The following TENM3 variants were observed in gnomAD, a reference collection of about 807,000 sequenced individuals.
The protein encoded by TENM3 is teneurin-3.
Under a neutral mutation model 255.1 loss-of-function variants are expected in TENM3, and 63 were observed. The observed-to-expected ratio is 0.25, with a 90% CI of 0.20 to 0.30. TENM3 has a LOEUF of 0.30. TENM3 is among the 10% of genes least tolerant of loss of function. The probability of loss-of-function intolerance (pLI) is 1.00; values close to 1 mark genes in which losing one functional copy is unlikely to be tolerated. For synonymous variants in TENM3, 1,306 were observed against 1,322.3 expected (o/e 0.99, Z 0.27); for missense variants, 2,929 against 3,461.1 (o/e 0.85, Z 3.86).
intron 1 of TENM3, among the ~76,000 whole-genome samples, chr4:182,150,035 A>G (rs1579510624): frequency 6.6e-6 from 1 of 152,080 alleles, no homozygotes; most frequent in African/African-American, 2.4e-5. Flanking sequence ...TTGATAGTAT[A>G]TTCTCAAATA....
chr4:181,867,214 T>C, the TENM3 span, among the ~76,000 whole-genome samples: 1 of 152,152 alleles, frequency 6.6e-6, no homozygotes, highest in Non-Finnish European at 1.5e-5. Context: ...TTCACCTCAG[T>C]TCCAATCCCT....
At chr4:181,902,952 T>C in the TENM3 span, among the ~76,000 whole-genome samples, 2 of 152,224 alleles carry the variant, frequency 1.3e-5, no homozygotes, top group Non-Finnish European at 2.9e-5. Flanking sequence ...AAGTACGTTG[T>C]GTTTTACAAT....
the TENM3 span, among the ~76,000 whole-genome samples, chr4:181,770,265 A>G: frequency 1.3e-5 from 2 of 152,218 alleles, no homozygotes; most frequent in African/African-American, 4.8e-5. Flanking sequence ...ACTATTCATA[A>G]TATTTTTGAA....
chr4:182,412,546 G>T (rs1190146633), intron 3 of TENM3, among the ~76,000 whole-genome samples: 1 of 152,080 alleles, frequency 6.6e-6, no homozygotes, highest in Non-Finnish European at 1.5e-5. Flanking sequence ...AGAGTAATAA[G>T]GGAAGTAATA....
At chr4:181,763,013 G>A in the TENM3 span, among the ~76,000 whole-genome samples, 1 of 152,104 alleles carries the variant, frequency 6.6e-6, no homozygotes, top group Admixed American at 6.6e-5. Context: ...TTGAAACCTT[G>A]TGAAACAAAT....
At chr4:181,849,019 G>A in the TENM3 span, among the ~76,000 whole-genome samples, 1 of 152,130 alleles carries the variant, frequency 6.6e-6, no homozygotes, top group Admixed American at 6.5e-5. Flanking sequence ...GCTACAGATG[G>A]ATAAGCAGAA....
chr4:182,442,512 A>T (rs1772567570), intron 3 of TENM3, among the ~76,000 whole-genome samples: 1 of 152,202 alleles, frequency 6.6e-6, no homozygotes, highest in Non-Finnish European at 1.5e-5. Flanking sequence ...TTTCTAAACA[A>T]TCAAAACAAA....
chr4:182,094,713 G>A, the TENM3 span, among the ~76,000 whole-genome samples: 1 of 152,004 alleles, frequency 6.6e-6, no homozygotes, highest in African/African-American at 2.4e-5. Flanking sequence ...CCTCGAAAAA[G>A]AACAAAACAG....
chr4:182,683,188 G>C, intron 11 of TENM3, among the ~76,000 whole-genome samples: 1 of 152,262 alleles, frequency 6.6e-6, no homozygotes, highest in Non-Finnish European at 1.5e-5. Flanking sequence ...ATATGCCTCA[G>C]TTTACTCATC....
At chr4:181,448,167 T>A in the TENM3 span, among the ~76,000 whole-genome samples, 12 of 132,188 alleles carry the variant, frequency 9.1e-5, no homozygotes, top group African/African-American at 1.8e-4. Context: ...TTTTTTTTTT[T>A]TTTTTTTTTT....
At chr4:181,943,945 C>A in the TENM3 span, among the ~76,000 whole-genome samples, 675 of 152,170 alleles carry the variant, frequency 4.4e-3, 2 homozygotes, top group Non-Finnish European at 7.5e-3. Flanking sequence ...TATAAAATAT[C>A]CTTAAATTTC....
the TENM3 span, among the ~76,000 whole-genome samples, chr4:181,514,975 G>C: frequency 6.6e-6 from 1 of 152,156 alleles, no homozygotes; most frequent in African/African-American, 2.4e-5. Context: ...AACGATGTTA[G>C]GTGAATTCTC....
the TENM3 span, among the ~76,000 whole-genome samples, chr4:182,061,547 C>G: frequency 6.6e-6 from 1 of 152,038 alleles, no homozygotes; most frequent in Non-Finnish European, 1.5e-5. Context: ...TCCTCCGAAA[C>G]TTTATAAAAT....
At chr4:182,652,747 A>G (rs1043133623) in intron 5 of TENM3, among the ~76,000 whole-genome samples, 3 of 152,158 alleles carry the variant, frequency 2.0e-5, no homozygotes, top group Admixed American at 2.0e-4. Flanking sequence ...TGCGCTGGTA[A>G]ATTCCAGTAC....
At chr4:181,626,931 A>G in the TENM3 span, among the ~76,000 whole-genome samples, 1 of 152,210 alleles carries the variant, frequency 6.6e-6, no homozygotes, top group African/African-American at 2.4e-5. Flanking sequence ...ATAGAATCTA[A>G]GGGAAAGATG....
chr4:182,104,969 C>T, the TENM3 span, among the ~76,000 whole-genome samples: 12 of 152,106 alleles, frequency 7.9e-5, no homozygotes, highest in Non-Finnish European at 1.8e-4. Context: ...CCCAGCACTT[C>T]GGAAGGTGGA....
intron 3 of TENM3, among the ~76,000 whole-genome samples, chr4:182,365,152 G>C (rs983634219): frequency 6.6e-6 from 1 of 152,202 alleles, no homozygotes; most frequent in African/African-American, 2.4e-5. Flanking sequence ...CGTTTGATTA[G>C]TGAGTTGAAT....
the TENM3 span, among the ~76,000 whole-genome samples, chr4:182,066,734 C>A: frequency 6.6e-6 from 1 of 150,696 alleles, no homozygotes; most frequent in East Asian, 1.9e-4. Context: ...CACCATGAAA[C>A]CCCGTCTCCA....
intron 3 of TENM3, among the ~76,000 whole-genome samples, chr4:182,515,100 T>G (rs1248048412): frequency 6.6e-6 from 1 of 152,200 alleles, no homozygotes; most frequent in African/African-American, 2.4e-5. Flanking sequence ...CCGTCACTGA[T>G]GATAAGTGAA....
Sources: allele counts gnomAD v4.1 joint callset (sites outside exome capture counted in the v4.1 genomes callset), GRCh38; gene constraint gnomAD v4.1.1; transcripts MANE v1.5; gene names NCBI Gene and HGNC (gene_info 2026-07-23, HGNC 2026-07-21).